ERG: variants seen among roughly 807,000 people sequenced by gnomAD.
The protein encoded by ERG is transcriptional regulator ERG.
A neutral mutation model predicts 55.3 loss-of-function variants in ERG; 9 were observed. The observed-to-expected ratio is 0.16, with a 90% confidence interval of 0.10 to 0.28. The LOEUF is 0.28. Ranked by LOEUF, ERG falls within the 10% of genes least tolerant of loss-of-function variation. ERG has a pLI of 1.00. For missense variants in ERG, 434 were observed against 631.6 expected (o/e 0.69, Z 3.35); for synonymous variants, 223 against 237.3 (o/e 0.94, Z 0.55).
chr21:38,543,643 G>A (rs1258854175), intron 2 of ERG, among the ~76,000 whole-genome samples: 1 of 151,526 alleles, frequency 6.6e-6, no homozygotes, highest in African/African-American at 2.4e-5. Context: ...TGGAAGAGAC[G>A]TACAGTAAAG....
intron 2 of ERG, among the ~76,000 whole-genome samples, chr21:38,531,549 A>T (rs1036400755): frequency 2.6e-5 from 4 of 151,532 alleles, no homozygotes; most frequent in African/African-American, 9.7e-5. Flanking sequence ...AAAAGACTTT[A>T]AAAAAAAATA....
intron 2 of ERG, among the ~76,000 whole-genome samples, chr21:38,528,847 T>C (rs2059651301): frequency 6.6e-6 from 1 of 152,206 alleles, no homozygotes; most frequent in Non-Finnish European, 1.5e-5. Flanking sequence ...TTAAGCTTCA[T>C]TGAGAGAACC....
intron 1 of ERG, among the ~76,000 whole-genome samples, chr21:38,626,750 T>C (rs757892871): frequency 5.9e-5 from 9 of 152,202 alleles, no homozygotes; most frequent in Non-Finnish European, 1.0e-4. Flanking sequence ...GAAGTCAAAT[T>C]AGTATTATGT....
chr21:38,418,162 A>G (rs903673322), intron 3 of ERG, among the ~76,000 whole-genome samples: 3 of 152,290 alleles, frequency 2.0e-5, no homozygotes, highest in African/African-American at 7.2e-5. Flanking sequence ...TATATCTTCT[A>G]TCTAGATTAG....
At chr21:38,478,631 G>A (rs146471465) in intron 1 of ERG, among the ~76,000 whole-genome samples, 1 of 152,172 alleles carries the variant, frequency 6.6e-6, no homozygotes, top group Admixed American at 6.5e-5. Flanking sequence ...GAGCCCTCAT[G>A]GTCAGTGATA....
intron 2 of ERG, among the ~76,000 whole-genome samples, 183 bp from the exon 3 acceptor site, chr21:38,423,744 T>G (rs942749823): frequency 1.3e-5 from 2 of 151,938 alleles, no homozygotes; most frequent in African/African-American, 4.8e-5. Context: ...TCCCAACACT[T>G]TGGGATGCCG....
chr21:38,381,740 A>G lies in ERG; in HGVS notation c.*1663T>C. 9.4e-7 allele frequency: 1 copy of G among 1,063,536 alleles called. No homozygotes were observed. Among genetic ancestry groups the G allele is most frequent in the Middle Eastern group, 4.2e-4 (1 of 2,392 alleles). The allele number at this position is 1,063,536 out of a possible 1,614,324, so 65.9% of individuals were successfully genotyped here. On this transcript the variant is annotated 3_prime_UTR_variant, in exon 10 of 10. Transcript: ENST00000288319. Reference sequence around the variant, plus strand: ...ACTAGAATTTCTCAATGACAACCCCAGCTTCATAGGCCTCTTTCCATTCCA... The same window carrying G: ...ACTAGAATTTCTCAATGACAACCCCGGCTTCATAGGCCTCTTTCCATTCCA...
rs1601247641 is a variant in ERG, at chr21:38,565,315, G to C, written c.-41+10347C>G. ...CACAACAGCCAACATGGTTCTTTTA[G>C]AACTTCAACCAATGTAAATTATACT... is the stretch of plus-strand genomic sequence containing the variant. On this transcript the variant is annotated intron_variant, in intron 2 of 8. Transcript: ENST00000398897. Among the ~76,000 whole-genome samples the C allele has an allele frequency of 2.6e-5, 4 of 152,220 alleles. No homozygotes were observed. The South Asian group carries it at 6.2e-4, about 24-fold the overall frequency.
intron 2 of ERG, among the ~76,000 whole-genome samples, chr21:38,511,537 T>C (rs2059511508): frequency 6.6e-6 from 1 of 152,206 alleles, no homozygotes; most frequent in Admixed American, 6.5e-5. Flanking sequence ...CTTTGGGTGG[T>C]AAGATGTAAA....
At chr21:38,620,035 C>T (rs977458691) in intron 1 of ERG, among the ~76,000 whole-genome samples, 2 of 152,188 alleles carry the variant, frequency 1.3e-5, no homozygotes, top group East Asian at 3.8e-4. Context: ...CCCATTGAAA[C>T]GCCACAGAAC....
At chr21:38,428,107 G>C (rs1989920482) in intron 2 of ERG, among the ~76,000 whole-genome samples, 1 of 151,632 alleles carries the variant, frequency 6.6e-6, no homozygotes, top group South Asian at 2.1e-4. Flanking sequence ...CTGAGCCTGG[G>C]GAGGTTGAGA....
intron 8 of ERG, 98 bp downstream of exon 8, chr21:38,391,561 A>G (rs1444097679): frequency 9.7e-7 from 1 of 1,031,808 alleles, no homozygotes; most frequent in Non-Finnish European, 1.5e-6. Flanking sequence ...AGAGGCAAAC[A>G]ATCATGTTAA....
At chr21:38,428,886 G>A (rs1601385925) in intron 2 of ERG, among the ~76,000 whole-genome samples, 1 of 152,234 alleles carries the variant, frequency 6.6e-6, no homozygotes, top group East Asian at 1.9e-4. Flanking sequence ...AAATCATTTT[G>A]TCTTTTTATT....
chr21:38,551,924 A>C (rs1263293780), intron 2 of ERG, among the ~76,000 whole-genome samples: 1 of 152,096 alleles, frequency 6.6e-6, no homozygotes, highest in Non-Finnish European at 1.5e-5. Flanking sequence ...TGATCTATCT[A>C]ATACTGTCAG....
chr21:38,412,780 C>T (rs745781791), intron 3 of ERG, among the ~76,000 whole-genome samples: 1 of 152,048 alleles, frequency 6.6e-6, no homozygotes, highest in Non-Finnish European at 1.5e-5. Context: ...TTCATTGTTT[C>T]TGTTAAATCT....
chr21:38,377,983 C>G (rs186852444), downstream of ERG, among the ~76,000 whole-genome samples: 597 of 152,296 alleles, frequency 3.9e-3, 4 homozygotes, highest in African/African-American at 0.014. Flanking sequence ...TTCACCTGGG[C>G]CCTGCAGTGC....
chr21:38,421,041 C>T (rs1192115218), intron 3 of ERG, among the ~76,000 whole-genome samples: 1 of 152,172 alleles, frequency 6.6e-6, no homozygotes, highest in African/African-American at 2.4e-5. Context: ...CCTGCCTCTC[C>T]TCCAGGCACA....
intron 2 of ERG, among the ~76,000 whole-genome samples, chr21:38,505,037 T>C (rs1334627839): frequency 1.3e-5 from 2 of 152,254 alleles, no homozygotes; most frequent in Non-Finnish European, 2.9e-5. Flanking sequence ...TTCCTGCTGC[T>C]TTCTAAAGTT....
chr21:38,576,594 T>G (rs1387724539), intron 1 of ERG, among the ~76,000 whole-genome samples: 1 of 152,192 alleles, frequency 6.6e-6, no homozygotes, highest in Non-Finnish European at 1.5e-5. Context: ...TAAAGCAGCA[T>G]GTTCTGACCA....
Sources: allele counts gnomAD v4.1 joint callset (sites outside exome capture counted in the v4.1 genomes callset), GRCh38; gene constraint gnomAD v4.1.1; transcripts MANE v1.5; gene names NCBI Gene and HGNC (gene_info 2026-07-23, HGNC 2026-07-21).